The following IL13RA1 variants were observed in gnomAD, a reference collection of about 807,000 sequenced individuals.
IL13RA1 encodes the protein interleukin-13 receptor subunit alpha-1.
Under a neutral mutation model 33.8 loss-of-function variants are expected in IL13RA1, and 14 were observed. That is an observed-to-expected ratio of 0.41 (90% CI 0.27 to 0.65). The LOEUF is 0.65. Ranked by LOEUF, IL13RA1 falls within the 30% of genes least tolerant of loss-of-function variation. The pLI is 0.28. For synonymous variants in IL13RA1, 116 were observed against 115.7 expected (o/e 1.00, Z -0.02); for missense variants, 313 against 327.0 (o/e 0.96, Z 0.33).
At chrX:118,761,463 T>C in intron 6 of IL13RA1, 174 bp downstream of exon 6, 2 of 320,603 alleles carry the variant, frequency 6.2e-6, no homozygotes, top group Non-Finnish European at 1.1e-5. Context: ...TATGGTATGA[T>C]AGTATCAGCT....
intron 6 of IL13RA1, among the ~76,000 whole-genome samples, chrX:118,762,349 C>G (rs965383019): frequency 8.9e-6 from 1 of 112,361 alleles, no homozygotes; most frequent in Non-Finnish European, 1.9e-5. Context: ...GAAGACTGCA[C>G]CACTCACTTG....
intron 8 of IL13RA1, among the ~76,000 whole-genome samples, chrX:118,771,898 G>A (rs966028745): frequency 1.7e-4 from 19 of 111,350 alleles, no homozygotes; most frequent in African/African-American, 5.5e-4. Context: ...GCTTGAACCC[G>A]GGAGGCGGAG....
At chrX:118,774,107 A>G in intron 9 of IL13RA1, 132 bp downstream of exon 9, 4 of 403,285 alleles carry the variant, frequency 9.9e-6, no homozygotes, top group Admixed American at 9.3e-5. Context: ...TTTCGGGAGT[A>G]TGACATGACA....
At chrX:118,739,620 G>A (rs1368067522) in intron 1 of IL13RA1, among the ~76,000 whole-genome samples, 1 of 111,709 alleles carries the variant, frequency 9.0e-6, no homozygotes, top group Non-Finnish European at 1.9e-5. Context: ...TTGCAAAGGT[G>A]GGACAGAGGG....
intron 2 of IL13RA1, 146 bp downstream of exon 2, chrX:118,741,302 C>G (rs2017341906): frequency 4.6e-6 from 2 of 436,600 alleles, no homozygotes; most frequent in African/African-American, 4.9e-5. Context: ...ATTATAGAAG[C>G]AACTATTGAC....
intron 10 of IL13RA1, among the ~76,000 whole-genome samples, chrX:118,788,894 A>G (rs2017949013): frequency 8.9e-6 from 1 of 111,989 alleles, no homozygotes. Flanking sequence ...CTGAAAATCT[A>G]AAATCCGAAA....
chrX:118,775,657 A>G (rs1264879535), intron 9 of IL13RA1, among the ~76,000 whole-genome samples: 1 of 111,363 alleles, frequency 9.0e-6, no homozygotes, highest in Non-Finnish European at 1.9e-5. Context: ...TGTGAAGGTA[A>G]TTAAGGATTC....
downstream of IL13RA1, among the ~76,000 whole-genome samples, chrX:118,795,211 CA>C (rs1222782237): frequency 0.021 from 579 of 26,975 alleles, 23 homozygotes; most frequent in African/African-American, 0.056. Flanking sequence ...GACTCCGTCT[CA>C]AAAAAAAAAA....
At chrX:118,742,583 G>C (rs2017356197) in intron 2 of IL13RA1, among the ~76,000 whole-genome samples, 1 of 112,181 alleles carries the variant, frequency 8.9e-6, no homozygotes, top group African/African-American at 3.2e-5. Flanking sequence ...TATTTCCTCA[G>C]AGTATGTGCA....
At chrX:118,770,344 G>A (rs939845807) in intron 8 of IL13RA1, 8 of 358,847 alleles carry the variant, frequency 2.2e-5, no homozygotes, top group Admixed American at 1.2e-4. Context: ...TGGAGGTGCC[G>A]CGCTACCGCA....
Position 118,758,268 on chromosome X carries a change from A to T in IL13RA1, c.676+26A>T, listed in dbSNP as rs147515841. The T allele has an allele frequency of 7.2e-3, 4,686 of 655,126 alleles. 134 individuals carry two copies. The African/African-American group carries it at 0.087, about 12-fold the overall frequency. 54.0% of individuals were successfully genotyped at this position (655,126 alleles called of 1,213,427 possible). A position where few individuals can be genotyped will look rare whatever the true frequency, so the allele number is the denominator to read the frequency against. On this transcript the variant is annotated intron_variant, in intron 5 of 10. Coordinates refer to ENST00000371666, the MANE Select transcript of IL13RA1 (RefSeq NM_001560.3). The stretch of plus-strand genomic sequence containing the variant: ...GTAAGTTTTAGAAGTCCTCTAAAAC[A>T]GTATGGATAAAAAGTGTGTTATATC...
intron 6 of IL13RA1, among the ~76,000 whole-genome samples, chrX:118,764,862 C>A (rs1198738792): frequency 4.5e-5 from 5 of 111,505 alleles, no homozygotes; most frequent in Non-Finnish European, 9.4e-5. Flanking sequence ...TTTCTCGCTC[C>A]CTGTCTCTTT....
At chrX:118,747,425 G>T (rs900525826) in intron 3 of IL13RA1, among the ~76,000 whole-genome samples, 1 of 110,148 alleles carries the variant, frequency 9.1e-6, no homozygotes, top group African/African-American at 3.3e-5. Context: ...AGCTTATCTT[G>T]TGAAGTGAGT....
chrX:118,747,733 C>T (rs2017422777), intron 3 of IL13RA1, among the ~76,000 whole-genome samples: 1 of 110,735 alleles, frequency 9.0e-6, no homozygotes, highest in Non-Finnish European at 1.9e-5. Flanking sequence ...CCCACCTCTC[C>T]CAATGTCCTT....
the IL13RA1 span, among the ~76,000 whole-genome samples, chrX:118,800,780 C>G: frequency 9.1e-6 from 1 of 110,306 alleles, no homozygotes; most frequent in African/African-American, 3.3e-5. Context: ...AAGTTTCATT[C>G]ATTTTATTTT....
At position 118,761,214 on chromosome X, in the gene IL13RA1, G is replaced by C. The variant is rs1472959439; in HGVS notation, c.753G>C (p.Gln251His). The C allele has an allele frequency of 7.0e-6, 7 of 1,000,960 alleles. No homozygotes were observed. Among genetic ancestry groups the C allele is most frequent in the Non-Finnish European group, 9.8e-6 (7 of 711,186 alleles). 82.5% of individuals were successfully genotyped at this position (1,000,960 alleles called of 1,213,427 possible). The change falls in exon 6 of 11, where the codon CAG (glutamine) becomes CAC (histidine). Residue 251 changes from glutamine to histidine, a missense_variant. Transcript: ENST00000371666. ...TATATGTGCAATGGGAGAATCCACA[G>C]AATTTTATTAGCAGATGCCTATTTT... ...DDLYVQWENPQNFISRCLFYE... is the reference protein window; with the variant it reads ...DDLYVQWENPHNFISRCLFYE...
intron 10 of IL13RA1, among the ~76,000 whole-genome samples, chrX:118,777,033 T>C (rs1301431161): frequency 9.3e-6 from 1 of 107,048 alleles, no homozygotes; most frequent in Admixed American, 1.0e-4. Flanking sequence ...ACACATACAG[T>C]TTAGTGTCAT....
intron 6 of IL13RA1, among the ~76,000 whole-genome samples, chrX:118,762,017 G>C (rs2017595809): frequency 8.9e-6 from 1 of 112,530 alleles, no homozygotes; most frequent in African/African-American, 3.2e-5. Context: ...TTTTCTTGGA[G>C]TTTGTGGCAA....
At chrX:118,741,786 G>GGT (rs2017347256) in intron 2 of IL13RA1, among the ~76,000 whole-genome samples, 1 of 110,848 alleles carries the variant, frequency 9.0e-6, no homozygotes, top group Non-Finnish European at 1.9e-5. Flanking sequence ...ACCTTCTTTC[G>GGT]GTGTGTATGT....
Sources: allele counts gnomAD v4.1 joint callset (sites outside exome capture counted in the v4.1 genomes callset), GRCh38; gene constraint gnomAD v4.1.1; transcripts MANE v1.5; gene names NCBI Gene and HGNC (gene_info 2026-07-23, HGNC 2026-07-21).